PHACTR3: variants seen among roughly 807,000 people sequenced by gnomAD.
The protein encoded by PHACTR3 is phosphatase and actin regulator 3, also known as protein phosphatase 1, regulatory subunit 123.
Under a neutral mutation model 66.8 loss-of-function variants are expected in PHACTR3, and 16 were observed. That is an observed-to-expected ratio of 0.24 (90% CI 0.16 to 0.36). The LOEUF is 0.36. PHACTR3 is among the 10% of genes least tolerant of loss of function. The probability of loss-of-function intolerance (pLI) is 1.00; values close to 1 mark genes in which losing one functional copy is unlikely to be tolerated. For missense variants in PHACTR3, 647 were observed against 719.9 expected, an observed-to-expected ratio of 0.90 and a Z score of 1.16; for synonymous variants, 323 against 292.1, an observed-to-expected ratio of 1.11 and a Z score of -1.08.
intron 1 of PHACTR3, among the ~76,000 whole-genome samples, chr20:59,593,492 T>G: frequency 7.0e-6 from 1 of 142,554 alleles, no homozygotes; most frequent in South Asian, 2.3e-4. Context: ...AAAGTAGACT[T>G]TTTTTTTTAA....
chr20:59,841,684 G>T, intron 11 of PHACTR3, 149 bp downstream of exon 11: 1 of 878,962 alleles, frequency 1.1e-6, no homozygotes, highest in Non-Finnish European at 1.6e-6. Context: ...AGATAATTCA[G>T]GGTCAGATTG....
intron 5 of PHACTR3, among the ~76,000 whole-genome samples, chr20:59,768,313 G>T: frequency 6.6e-6 from 1 of 152,338 alleles, no homozygotes; most frequent in South Asian, 2.1e-4. Context: ...GGCTGTGGGC[G>T]TGAAACATGA....
intron 1 of PHACTR3, among the ~76,000 whole-genome samples, chr20:59,635,135 CTTT>C (rs2034813928): frequency 4.4e-5 from 3 of 68,172 alleles, no homozygotes; most frequent in Non-Finnish European, 8.7e-5. Context: ...TTCTTTCTTT[CTTT>C]CTTTCTTTCT....
intron 1 of PHACTR3, among the ~76,000 whole-genome samples, chr20:59,664,469 C>T (rs117320170): frequency 0.025 from 3,748 of 152,206 alleles, 60 homozygotes; most frequent in Middle Eastern, 0.058. Flanking sequence ...TTCTCGTAGC[C>T]GTTTCCTGGT....
intron 1 of PHACTR3, among the ~76,000 whole-genome samples, chr20:59,717,121 T>C (rs2038122238): frequency 6.6e-6 from 1 of 152,380 alleles, no homozygotes; most frequent in East Asian, 1.9e-4. Context: ...TATTCCTACA[T>C]TCATTTTGTT....
chr20:59,581,574 G>A (rs2146299076), intron 1 of PHACTR3, among the ~76,000 whole-genome samples: 1 of 152,320 alleles, frequency 6.6e-6, no homozygotes, highest in Admixed American at 6.5e-5. Context: ...GGAAAGGAGT[G>A]ATCCCCAATC....
intron 7 of PHACTR3, among the ~76,000 whole-genome samples, chr20:59,775,315 G>A (rs73146821): frequency 0.014 from 2,120 of 152,226 alleles, 23 homozygotes; most frequent in South Asian, 0.029. Flanking sequence ...GGAAGCGTCC[G>A]TTGCTGTTCT....
chr20:59,773,106 C>T (rs1443580680), intron 5 of PHACTR3, among the ~76,000 whole-genome samples, 173 bp from the exon 6 acceptor site: 4 of 152,118 alleles, frequency 2.6e-5, no homozygotes, highest in Non-Finnish European at 5.9e-5. Context: ...AGAGATGCAC[C>T]CTGGCCTCTA....
chr20:59,819,536 TAAAAAA>T (rs1341673476), intron 8 of PHACTR3, among the ~76,000 whole-genome samples: 1 of 131,512 alleles, frequency 7.6e-6, no homozygotes, highest in Admixed American at 7.6e-5. Context: ...ACCCTGTCGT[TAAAAAA>T]AAAAAAAAAA....
At chr20:59,767,745 A>C (rs1382480254) in intron 5 of PHACTR3, among the ~76,000 whole-genome samples, 1 of 152,230 alleles carries the variant, frequency 6.6e-6, no homozygotes, top group Non-Finnish European at 1.5e-5. Flanking sequence ...GCCAGTTCCC[A>C]GGATGGGGCT....
upstream of PHACTR3, among the ~76,000 whole-genome samples, chr20:59,601,390 T>G (rs2033474821): frequency 1.3e-5 from 2 of 152,262 alleles, no homozygotes; most frequent in Admixed American, 1.3e-4. Context: ...ACATTTAGGT[T>G]GTTCGTAATT....
chr20:59,773,152 C>T, intron 5 of PHACTR3, 127 bp from the exon 6 acceptor site: 1 of 1,053,214 alleles, frequency 9.5e-7, no homozygotes, highest in East Asian at 2.4e-5. Context: ...AGCATCTTGG[C>T]ATTAGTTGGG....
chr20:59,630,938 A>T (rs957387226), intron 1 of PHACTR3, among the ~76,000 whole-genome samples: 1 of 152,006 alleles, frequency 6.6e-6, no homozygotes, highest in African/African-American at 2.4e-5. Context: ...GGTTGGAGGG[A>T]TTTGGTAAAA....
At chr20:59,619,292 C>T (rs1360973440) in intron 1 of PHACTR3, among the ~76,000 whole-genome samples, 1 of 152,120 alleles carries the variant, frequency 6.6e-6, no homozygotes, top group Admixed American at 6.5e-5. Context: ...AAAATTCTTC[C>T]TGGAGATTGA....
upstream of PHACTR3, chr20:59,604,500 A>C: frequency 2.0e-6 from 1 of 499,098 alleles, no homozygotes; most frequent in Non-Finnish European, 2.6e-6. Context: ...TGATGGGAGA[A>C]TCCTAATGTT....
At chr20:59,605,263 C>T in intron 1 of PHACTR3, 131 bp downstream of exon 1, 1 of 561,456 alleles carries the variant, frequency 1.8e-6, no homozygotes, top group Non-Finnish European at 2.7e-6. Context: ...CGCTCGGCCC[C>T]GCGGTTCCTA....
chr20:59,669,312 G>A (rs1418908781), intron 1 of PHACTR3, among the ~76,000 whole-genome samples: 1 of 152,102 alleles, frequency 6.6e-6, no homozygotes, highest in Non-Finnish European at 1.5e-5. Context: ...CTGAAGATGG[G>A]GTCAATTACT....
chr20:59,580,049 C>T (rs1454863057), intron 1 of PHACTR3, among the ~76,000 whole-genome samples: 2 of 152,082 alleles, frequency 1.3e-5, no homozygotes, highest in African/African-American at 4.8e-5. Flanking sequence ...GAGTCTGGAG[C>T]TTGGGGCGGT....
intron 11 of PHACTR3, among the ~76,000 whole-genome samples, chr20:59,842,999 C>G (rs1339586046): frequency 6.6e-6 from 1 of 152,054 alleles, no homozygotes; most frequent in East Asian, 1.9e-4. Flanking sequence ...CCACCAAAAA[C>G]TTAGATCTGA....
Sources: gnomAD v4.1 joint callset for allele counts (sites outside exome capture counted in the v4.1 genomes callset) on GRCh38, gnomAD v4.1.1 for gene constraint, MANE v1.5 for transcripts, NCBI Gene and HGNC (gene_info 2026-07-23, HGNC 2026-07-21) for gene names.